The following IL1RAPL2 variants were observed in gnomAD, a reference collection of about 807,000 sequenced individuals.
IL1RAPL2 encodes interleukin 1 receptor accessory protein like 2, also known as X-linked interleukin-1 receptor accessory protein-like 2.
In IL1RAPL2, 3 loss-of-function variants were observed where a neutral mutation model predicts 44.1. That is an observed-to-expected ratio of 0.07 (90% CI 0.03 to 0.18). The LOEUF is 0.18. Among genes scored for constraint, IL1RAPL2 ranks in the 10% least tolerant of loss-of-function variants. The pLI, the probability that IL1RAPL2 is intolerant of heterozygous loss-of-function variation, is 1.00. For missense variants in IL1RAPL2, 391 were observed against 496.4 expected, an observed-to-expected ratio of 0.79 and a Z score of 2.02; for synonymous variants, 181 against 178.8, an observed-to-expected ratio of 1.01 and a Z score of -0.10.
chrX:105,375,526 A>G (rs1372379990), intron 5 of IL1RAPL2, among the ~76,000 whole-genome samples: 1 of 111,489 alleles, frequency 9.0e-6, no homozygotes, highest in Non-Finnish European at 1.9e-5. Flanking sequence ...AAACAAACAA[A>G]CAATCAACAA....
rs1257715452 is a variant in IL1RAPL2, at chrX:105,447,106, T to TAA, written c.698-37203_698-37202dup. 3.6e-4 allele frequency among the ~76,000 whole-genome samples: 12 copies of TAA among 33,207 alleles called. 1 individual carries two copies. In the East Asian group the frequency reaches 5.2e-3, roughly 14 times the overall value. 28.8% of individuals were successfully genotyped at this position (33,207 alleles called of 115,157 possible). On this transcript the variant is annotated intron_variant, in intron 5 of 10. Coordinates refer to ENST00000372582, the MANE Select transcript of IL1RAPL2 (RefSeq NM_017416.2). ...ATATATATATATATATATATATATATAAAAATATATATAAATATAAATATA... is the reference window on the plus strand; with the variant it reads ...ATATATATATATATATATATATATATAAAAAAATATATATAAATATAAATATA...
chrX:105,280,949 C>A (rs1251908351), intron 5 of IL1RAPL2, among the ~76,000 whole-genome samples: 2 of 111,525 alleles, frequency 1.8e-5, no homozygotes, highest in Non-Finnish European at 3.8e-5. Flanking sequence ...GATTATAAAT[C>A]ATTCTACTAT....
intron 5 of IL1RAPL2, among the ~76,000 whole-genome samples, chrX:105,466,624 G>C (rs1407124030): frequency 9.0e-6 from 1 of 111,716 alleles, no homozygotes; most frequent in East Asian, 2.8e-4. Context: ...AAAAAGAAAG[G>C]AGAATGAAAG....
At chrX:104,984,206 C>A (rs999821239) in intron 2 of IL1RAPL2, among the ~76,000 whole-genome samples, 2 of 111,993 alleles carry the variant, frequency 1.8e-5, no homozygotes, top group African/African-American at 6.5e-5. Context: ...AGATTAAGAA[C>A]TTTCAGCCTC....
At chrX:105,484,085 T>C (rs2036249843) in intron 5 of IL1RAPL2, among the ~76,000 whole-genome samples, 1 of 111,711 alleles carries the variant, frequency 9.0e-6, no homozygotes, top group South Asian at 3.7e-4. Flanking sequence ...TTGGAAAATG[T>C]AGTTGTCAAA....
chrX:105,690,790 C>G (rs1171868958), intron 6 of IL1RAPL2, among the ~76,000 whole-genome samples: 1 of 111,689 alleles, frequency 9.0e-6, no homozygotes, highest in Non-Finnish European at 1.9e-5. Context: ...TTATTAATAT[C>G]ACCCAAACAT....
chrX:105,224,273 G>A (rs1321349710), intron 3 of IL1RAPL2, among the ~76,000 whole-genome samples: 2 of 111,494 alleles, frequency 1.8e-5, no homozygotes. Context: ...GGTAAAAAGA[G>A]TGTTATTAGT....
chrX:104,627,417 G>A (rs1056864232), intron 1 of IL1RAPL2, among the ~76,000 whole-genome samples: 3 of 108,168 alleles, frequency 2.8e-5, no homozygotes, highest in South Asian at 4.2e-4. Context: ...CACCAACATG[G>A]CACATGTATA....
chrX:104,956,754 A>G (rs966985421), intron 2 of IL1RAPL2, among the ~76,000 whole-genome samples: 6 of 111,710 alleles, frequency 5.4e-5, no homozygotes, highest in Admixed American at 9.5e-5. Flanking sequence ...TCTGGTGGCC[A>G]AGGGTTTGCC....
intron 2 of IL1RAPL2, among the ~76,000 whole-genome samples, chrX:105,031,954 G>T (rs1289236990): frequency 9.0e-6 from 1 of 111,530 alleles, no homozygotes; most frequent in East Asian, 2.8e-4. Flanking sequence ...TTTAGACTTG[G>T]GAGGGTGTAT....
intron 2 of IL1RAPL2, among the ~76,000 whole-genome samples, chrX:105,129,199 C>A (rs1447271666): frequency 9.0e-6 from 1 of 110,507 alleles, no homozygotes; most frequent in Admixed American, 9.7e-5. Context: ...GCTGAGAAGT[C>A]CAAAATCAAG....
intron 1 of IL1RAPL2, among the ~76,000 whole-genome samples, chrX:104,621,721 T>C (rs1379246579): frequency 5.4e-5 from 6 of 110,637 alleles, no homozygotes; most frequent in African/African-American, 2.0e-4. Flanking sequence ...AGGAGACAAA[T>C]TGATAATTTT....
intron 2 of IL1RAPL2, among the ~76,000 whole-genome samples, chrX:104,794,650 T>C (rs182964165): frequency 7.1e-5 from 8 of 112,266 alleles, no homozygotes; most frequent in Admixed American, 6.6e-4. Flanking sequence ...GAACAAGCTA[T>C]GTTTTGATAC....
chrX:105,358,702 CAAAAA>C (rs11339990), intron 5 of IL1RAPL2, among the ~76,000 whole-genome samples: 1 of 70,415 alleles, frequency 1.4e-5, no homozygotes, highest in African/African-American at 4.4e-5. Context: ...CAACAACAAA[CAAAAA>C]AAAAAAAAGA....
intron 3 of IL1RAPL2, among the ~76,000 whole-genome samples, chrX:105,221,411 CAAA>C (rs782121555): frequency 3.2e-5 from 2 of 62,912 alleles, no homozygotes; most frequent in Non-Finnish European, 3.2e-5. Flanking sequence ...AAACAACAAC[CAAA>C]AAAAAAAAAA....
intron 1 of IL1RAPL2, among the ~76,000 whole-genome samples, chrX:104,570,615 C>T (rs1928128352): frequency 8.9e-6 from 1 of 112,275 alleles, no homozygotes; most frequent in African/African-American, 3.2e-5. Context: ...GGCTGGTTCA[C>T]TTTGAGTTAT....
intron 6 of IL1RAPL2, among the ~76,000 whole-genome samples, chrX:105,669,501 C>T (rs1441998891): frequency 1.8e-5 from 2 of 111,746 alleles, no homozygotes; most frequent in African/African-American, 6.5e-5. Flanking sequence ...TTGCGGCATT[C>T]TTCTCTTCTT....
At chrX:105,099,453 CTTTT>C (rs36063657) in intron 2 of IL1RAPL2, among the ~76,000 whole-genome samples, 927 of 35,652 alleles carry the variant, frequency 0.026, 10 homozygotes, top group African/African-American at 0.083. Context: ...GTGCCACATA[CTTTT>C]TTTTTTTTTT....
chrX:105,238,389 G>GAGAGTGACA (rs2034140047), intron 4 of IL1RAPL2, among the ~76,000 whole-genome samples: 2 of 111,708 alleles, frequency 1.8e-5, no homozygotes, highest in African/African-American at 6.5e-5. Context: ...CAAAACTTTA[G>GAGAGTGACA]TCATTGATGT....
Sources: gnomAD v4.1 joint callset for allele counts (sites outside exome capture counted in the v4.1 genomes callset) on GRCh38, gnomAD v4.1.1 for gene constraint, MANE v1.5 for transcripts, NCBI Gene and HGNC (gene_info 2026-07-23, HGNC 2026-07-21) for gene names.